Variants in DDX19B observed in about 807,000 individuals in gnomAD.
DDX19B encodes the protein ATP-dependent RNA helicase DDX19B.
A neutral mutation model predicts 58.1 loss-of-function variants in DDX19B; 27 were observed. That is an observed-to-expected ratio of 0.46 (90% CI 0.34 to 0.64). DDX19B has a LOEUF of 0.64. DDX19B is among the 30% of genes least tolerant of loss of function. The pLI is 0.01. For missense variants in DDX19B, 399 were observed against 596.5 expected, an observed-to-expected ratio of 0.67 and a Z score of 3.45; for synonymous variants, 187 against 214.4, an observed-to-expected ratio of 0.87 and a Z score of 1.12.
chr16:70,318,826 C>T (rs1368638109), intron 5 of DDX19B, among the ~76,000 whole-genome samples: 3 of 147,298 alleles, frequency 2.0e-5, no homozygotes. Flanking sequence ...GACATATGGC[C>T]GGGAGCAGTG....
chr16:70,312,472 C>T (rs1038185962), intron 1 of DDX19B, 137 bp from the exon 2 acceptor site: 5 of 748,010 alleles, frequency 6.7e-6, no homozygotes, highest in African/African-American at 3.6e-5. Context: ...ACGGAACAAC[C>T]CAATGAATTG....
upstream of DDX19B, among the ~76,000 whole-genome samples, chr16:70,294,204 T>C (rs967739860): frequency 3.3e-5 from 5 of 150,376 alleles, no homozygotes; most frequent in African/African-American, 7.3e-5. Flanking sequence ...GCCTCAGCCT[T>C]GCGAGTAGCT....
At chr16:70,313,884 G>A (rs536268432) in intron 2 of DDX19B, among the ~76,000 whole-genome samples, 4 of 152,166 alleles carry the variant, frequency 2.6e-5, no homozygotes, top group South Asian at 2.1e-4. Context: ...CAAGGCTGGC[G>A]GATAACCTGA....
rs1597508712 is a variant in DDX19B, at chr16:70,333,896, C to T, written c.*314C>T. On this transcript the variant is annotated 3_prime_UTR_variant, in exon 12 of 12. Transcript: ENST00000288071. ...TAGATGCTGTGGCTGATTACTTGCC[C>T]AGGATCTCCTGTGGCAGCCTCTGCT... 3 of 438,492 alleles carry T rather than the reference C, an allele frequency of 6.8e-6. No individual in the cohort carries two copies. In the Admixed American group the frequency reaches 1.1e-4, roughly 16 times the overall value. The allele number at this position is 438,492 out of a possible 1,614,324, so 27.2% of individuals were successfully genotyped here. A position where few individuals can be genotyped will look rare whatever the true frequency, so the allele number is the denominator to read the frequency against.
intron 2 of DDX19B, among the ~76,000 whole-genome samples, chr16:70,313,550 A>G (rs1962196759): frequency 6.6e-6 from 1 of 152,184 alleles, no homozygotes; most frequent in African/African-American, 2.4e-5. Context: ...ATTACTAACC[A>G]TCGGACTACA....
intron 1 of DDX19B, among the ~76,000 whole-genome samples, chr16:70,310,495 T>C (rs952231189): frequency 5.3e-5 from 8 of 152,082 alleles, no homozygotes; most frequent in Non-Finnish European, 1.2e-4. Context: ...TGAGCCATGA[T>C]CATGCCACTG....
chr16:70,310,261 G>T (rs927409604), intron 1 of DDX19B, among the ~76,000 whole-genome samples: 1 of 151,774 alleles, frequency 6.6e-6, no homozygotes, highest in African/African-American at 2.4e-5. Flanking sequence ...CATGCCTGTA[G>T]TCTCAGCTAC....
intron 1 of DDX19B, among the ~76,000 whole-genome samples, chr16:70,304,918 G>A (rs1961680632): frequency 6.6e-6 from 1 of 151,812 alleles, no homozygotes; most frequent in South Asian, 2.1e-4. Context: ...GGCTTTCATG[G>A]TCATAATATC....
chr16:70,306,149 T>G (rs1961741373), intron 1 of DDX19B, among the ~76,000 whole-genome samples: 1 of 151,426 alleles, frequency 6.6e-6, no homozygotes, highest in African/African-American at 2.4e-5. Flanking sequence ...GTTGTTGTTG[T>G]TTGTTGTTGT....
At chr16:70,301,787 C>T (rs769632171) in intron 1 of DDX19B, among the ~76,000 whole-genome samples, 3 of 151,310 alleles carry the variant, frequency 2.0e-5, no homozygotes, top group Non-Finnish European at 4.4e-5. Flanking sequence ...TGTACTACAA[C>T]CTTGAACTCC....
In DDX19B at chr16:70,309,817, C is replaced by CA. The variant is rs61033553; in HGVS notation, c.58-2771dup. Among the ~76,000 whole-genome samples, 110 of 42,608 alleles carry CA rather than the reference C, an allele frequency of 2.6e-3. 6 individuals carry two copies. The highest frequency in any genetic ancestry group is 4.9e-3 in the South Asian group (4 of 814). 28.0% of individuals were successfully genotyped at this position (42,608 alleles called of 152,430 possible). A position where few individuals can be genotyped will look rare whatever the true frequency, so the allele number is the denominator to read the frequency against. On this transcript the variant is annotated intron_variant, in intron 1 of 11. Transcript: ENST00000288071. ...TGGGCGACAGGGCAAGACTCCGTCT[C>CA]AAAAAAAAAAAAAAAAAAAAAGAGA...
chr16:70,331,693 T>C, intron 9 of DDX19B, 29 bp from the exon 10 acceptor site: 1 of 1,606,420 alleles, frequency 6.2e-7, no homozygotes, highest in Non-Finnish European at 8.5e-7. Context: ...AACAGGTCTC[T>C]TCATAAAAAA....
chr16:70,312,323 T>C (rs1390787480), intron 1 of DDX19B, among the ~76,000 whole-genome samples: 1 of 152,110 alleles, frequency 6.6e-6, no homozygotes, highest in African/African-American at 2.4e-5. Context: ...AGAGAGAAAG[T>C]TTATAATCAG....
intron 1 of DDX19B, among the ~76,000 whole-genome samples, chr16:70,309,037 ATTTC>A (rs1394672526): frequency 1.3e-5 from 2 of 150,776 alleles, no homozygotes; most frequent in Non-Finnish European, 3.0e-5. Context: ...CTTTATAATG[ATTTC>A]TTTTTTTTTT....
intron 2 of DDX19B, among the ~76,000 whole-genome samples, chr16:70,313,531 G>A (rs951316376): frequency 6.6e-6 from 1 of 152,182 alleles, no homozygotes; most frequent in Admixed American, 6.5e-5. Context: ...GGCTACTTAA[G>A]TGGGACTAAT....
At chr16:70,314,556 C>T (rs970149402) in intron 2 of DDX19B, among the ~76,000 whole-genome samples, 1 of 151,798 alleles carries the variant, frequency 6.6e-6, no homozygotes, top group Non-Finnish European at 1.5e-5. Flanking sequence ...CCCAGCTACT[C>T]GGGAGGCTGA....
At chr16:70,315,006 A>C in intron 3 of DDX19B, 51 bp downstream of exon 3, 1 of 1,580,742 alleles carries the variant, frequency 6.3e-7, no homozygotes, top group Non-Finnish European at 8.7e-7. Flanking sequence ...CATTCTAAGA[A>C]AGTGGATTGT....
intron 7 of DDX19B, among the ~76,000 whole-genome samples, chr16:70,327,420 C>T (rs1325816396): frequency 6.6e-6 from 1 of 152,060 alleles, no homozygotes; most frequent in Non-Finnish European, 1.5e-5. Flanking sequence ...GTCGTCCCAG[C>T]TACTCAGGAG....
At chr16:70,330,138 C>G (rs1055718240) in intron 9 of DDX19B, 70 bp downstream of exon 9, 251 of 1,562,180 alleles carry the variant, frequency 1.6e-4, no homozygotes, top group Non-Finnish European at 2.1e-4. Context: ...CTCAGGAGGA[C>G]TGGATGCCCC....
Sources: gnomAD v4.1 joint callset for allele counts (sites outside exome capture counted in the v4.1 genomes callset) on GRCh38, gnomAD v4.1.1 for gene constraint, MANE v1.5 for transcripts, NCBI Gene and HGNC (gene_info 2026-07-23, HGNC 2026-07-21) for gene names.